MAPT: variants seen among roughly 807,000 people sequenced by gnomAD.
MAPT encodes microtubule-associated protein tau.
MAPT carries 34 observed loss-of-function variants against 67.9 expected under a neutral mutation model. That is an observed-to-expected ratio of 0.50 (90% CI 0.38 to 0.67). The LOEUF is 0.67. Among genes scored for constraint, MAPT ranks in the 30% least tolerant of loss-of-function variants. The pLI, the probability that MAPT is intolerant of heterozygous loss-of-function variation, is 0.00. For synonymous variants in MAPT, 456 were observed against 464.5 expected, an observed-to-expected ratio of 0.98 and a Z score of 0.23; for missense variants, 881 against 1,115.2, an observed-to-expected ratio of 0.79 and a Z score of 2.99.
At chr17:45,991,142 T>C (rs922632823) in intron 7 of MAPT, among the ~76,000 whole-genome samples, 2 of 152,234 alleles carry the variant, frequency 1.3e-5, no homozygotes, top group Non-Finnish European at 2.9e-5. Context: ...TGCCGATGAT[T>C]GACATGGAGT....
At chr17:46,018,173 CT>C (rs1451473442) in intron 11 of MAPT, among the ~76,000 whole-genome samples, 6 of 150,304 alleles carry the variant, frequency 4.0e-5, no homozygotes, top group Non-Finnish European at 8.9e-5. Flanking sequence ...ACAGACTTTA[CT>C]TACTGGAAGC....
intron 2 of MAPT, 56 bp downstream of exon 2, chr17:45,962,526 G>A (rs1411526228): frequency 6.2e-7 from 1 of 1,603,396 alleles, no homozygotes; most frequent in Non-Finnish European, 8.5e-7. Flanking sequence ...AGGGGTGGCG[G>A]GAACAGTTTG....
intron 9 of MAPT, chr17:45,999,813 GAC>G (rs1368635479): frequency 1.4e-6 from 1 of 697,952 alleles, no homozygotes; most frequent in Admixed American, 3.1e-5. Flanking sequence ...AGTGGCAGAG[GAC>G]ACAGTCACAG....
chr17:45,900,046 G>C (rs977875384), intron 1 of MAPT, among the ~76,000 whole-genome samples: 1 of 152,172 alleles, frequency 6.6e-6, no homozygotes, highest in African/African-American at 2.4e-5. Context: ...TCGGCAAGGT[G>C]AAAGCGTTGG....
Position 45,904,282 on chromosome 17 carries a change from A to G in MAPT, c.-18+9596A>G, listed in dbSNP as rs1369493659. 4.0e-4 allele frequency among the ~76,000 whole-genome samples: 19 copies of G among 47,928 alleles called. 1 individual carries two copies. Among genetic ancestry groups the G allele is most frequent in the Non-Finnish European group, 7.1e-4 (17 of 23,918 alleles). The allele number at this position is 47,928 out of a possible 152,430, so 31.4% of individuals were successfully genotyped here. A position where few individuals can be genotyped will look rare whatever the true frequency, so the allele number is the denominator to read the frequency against. ...ATATATTATATATATTTTTATATAT[A>G]TAATATGTATAATATATAATATATA... On this transcript the variant is annotated intron_variant, in intron 1 of 12. Transcript: ENST00000262410.
At chr17:45,903,146 C>T (rs1482833665) in intron 1 of MAPT, among the ~76,000 whole-genome samples, 1 of 152,132 alleles carries the variant, frequency 6.6e-6, no homozygotes, top group Non-Finnish European at 1.5e-5. Flanking sequence ...ATGCCAAGAA[C>T]GAAGTGCTGG....
intron 9 of MAPT, among the ~76,000 whole-genome samples, chr17:46,004,638 G>T (rs540865403): frequency 6.6e-6 from 1 of 152,262 alleles, no homozygotes; most frequent in East Asian, 1.9e-4. Flanking sequence ...AAACGGTGTT[G>T]ACTTAATGTG....
intron 3 of MAPT, chr17:45,974,071 A>T: frequency 4.7e-6 from 2 of 426,962 alleles, no homozygotes; most frequent in Non-Finnish European, 4.4e-6. Flanking sequence ...TCTGGTTTTC[A>T]GTATTTCTTC....
chr17:45,994,020 T>A, intron 8 of MAPT: 1 of 1,524,388 alleles, frequency 6.6e-7, no homozygotes, highest in Non-Finnish European at 8.9e-7. Flanking sequence ...TCCCTTTGCG[T>A]GTGTGGCCAT....
intron 1 of MAPT, among the ~76,000 whole-genome samples, chr17:45,930,237 AAAAAC>A (rs932897586): frequency 6.6e-5 from 10 of 152,160 alleles, no homozygotes; most frequent in African/African-American, 1.2e-4. Context: ...TTGTCTCTAC[AAAAAC>A]AAAACAAAAC....
intron 4 of MAPT, among the ~76,000 whole-genome samples, chr17:45,981,003 C>T (rs376396245): frequency 6.6e-6 from 1 of 152,178 alleles, no homozygotes; most frequent in Non-Finnish European, 1.5e-5. Context: ...GCACTGTGGT[C>T]GATGCCAGGA....
chr17:46,006,965 AAAATAAAATAAAAT>A (rs941166803), intron 9 of MAPT, among the ~76,000 whole-genome samples: 7 of 124,748 alleles, frequency 5.6e-5, no homozygotes, highest in African/African-American at 1.6e-4. Context: ...AAAATAAAAT[AAAATAAAATAAAAT>A]AAATAAAATA....
chr17:45,978,500 G>A, intron 4 of MAPT, 60 bp downstream of exon 4: 1 of 1,275,950 alleles, frequency 7.8e-7, no homozygotes, highest in Non-Finnish European at 1.1e-6. Flanking sequence ...CATGGGGTGG[G>A]CTCTGCCCTG....
rs749189332 is a variant in MAPT, at chr17:46,027,468, T to TG, written c.*3297_*3298insG. The TG allele has an allele frequency of 1.4e-4, 21 of 152,594 alleles. No homozygotes were observed. The highest frequency in any genetic ancestry group is 9.8e-4 in the Admixed American group (15 of 15,304). 9.5% of individuals were successfully genotyped at this position (152,594 alleles called of 1,614,324 possible). ...GGCTCCTTCAAGCTGCTGACTCACT[T>TG]TATCAATAGTTCCATTTAAATTGAC... On this transcript the variant is annotated 3_prime_UTR_variant, in exon 13 of 13. Transcript: ENST00000262410.
rs1230940472 is a variant in MAPT at position 46,024,502 on chromosome 17, G to A, written c.*331G>A. ...TTTTCTTCCCCCTCCATGTAGAAGA[G>A]GGAGAAGGAGAGGCTCTGAAAGCTG... is the stretch of plus-strand genomic sequence containing the variant. On this transcript the variant is annotated 3_prime_UTR_variant, in exon 13 of 13. Transcript: ENST00000262410. 2 of 416,196 alleles carry A rather than the reference G, an allele frequency of 4.8e-6. No individual in the cohort carries two copies. The highest frequency in any genetic ancestry group is 2.2e-5 in the South Asian group (1 of 44,852). 25.8% of individuals were successfully genotyped at this position (416,196 alleles called of 1,614,324 possible).
In MAPT at chr17:45,897,039, C is replaced by T. The variant is rs1337045484; in HGVS notation, c.-18+2353C>T. ...GCTGCCCGCCCGGGACCAGGCCGAC[C>T]CTCCTTGACGGTGGCGTAGAGGGCT... On this transcript the variant is annotated intron_variant, in intron 1 of 12. Transcript: ENST00000262410. This position sits in a 1 kb window ranked among gnomAD's most constrained non-coding sequence, Gnocchi z 5.0. The T allele has an allele frequency of 6.6e-6, 1 of 152,272 alleles. No homozygotes were observed. The highest frequency in any genetic ancestry group is 1.5e-5 in the Non-Finnish European group (1 of 68,080). The allele number at this position is 152,272 out of a possible 1,614,324, so 9.4% of individuals were successfully genotyped here.
intron 1 of MAPT, among the ~76,000 whole-genome samples, chr17:45,903,903 T>A (rs1184751660): frequency 3.3e-5 from 1 of 30,722 alleles, no homozygotes; most frequent in East Asian, 7.3e-4. Context: ...ATTATATATA[T>A]TTATATATTA....
chr17:45,936,323 G>A (rs754258077), intron 1 of MAPT, among the ~76,000 whole-genome samples: 14 of 152,184 alleles, frequency 9.2e-5, no homozygotes, highest in African/African-American at 3.1e-4. Context: ...AAAATGGGTC[G>A]CTCCATCCTG....
intron 1 of MAPT, chr17:45,898,582 C>T (rs1222848493): frequency 1.3e-5 from 2 of 152,132 alleles, no homozygotes; most frequent in Non-Finnish European, 2.9e-5. Flanking sequence ...TGTTTTATTC[C>T]ACTTTCCCTC....
Sources: allele counts gnomAD v4.1 joint callset (sites outside exome capture counted in the v4.1 genomes callset), GRCh38; gene constraint gnomAD v4.1.1; non-coding constraint Gnocchi (gnomAD v3.1); transcripts MANE v1.5; gene names NCBI Gene and HGNC (gene_info 2026-07-23, HGNC 2026-07-21).